Variants in CYTH4 observed in about 807,000 individuals in gnomAD.
CYTH4 encodes the protein cytohesin 4.
In CYTH4, 22 loss-of-function variants were observed where a neutral mutation model predicts 57.5. The ratio of observed to expected loss-of-function variants is 0.38; its 90% confidence interval spans 0.27 to 0.55. The LOEUF is 0.55. Among genes scored for constraint, CYTH4 ranks in the 20% least tolerant of loss-of-function variants. CYTH4 has a pLI of 0.74. For synonymous variants in CYTH4, 186 were observed against 206.5 expected, an observed-to-expected ratio of 0.90 and a Z score of 0.85; for missense variants, 420 against 535.6, an observed-to-expected ratio of 0.78 and a Z score of 2.13.
At chr22:37,283,650 G>A (rs1011114013) in intron 1 of CYTH4, among the ~76,000 whole-genome samples, 1 of 152,102 alleles carries the variant, frequency 6.6e-6, no homozygotes, top group Non-Finnish European at 1.5e-5. Flanking sequence ...GCAGAAGGGA[G>A]AAAAGAGGCC....
At chr22:37,305,656 T>C (rs1929367994) in intron 8 of CYTH4, among the ~76,000 whole-genome samples, 1 of 152,190 alleles carries the variant, frequency 6.6e-6, no homozygotes, top group African/African-American at 2.4e-5. Flanking sequence ...ACTTTCCCCA[T>C]ATGTAAAGCA....
intron 8 of CYTH4, among the ~76,000 whole-genome samples, chr22:37,307,332 C>A (rs771287161): frequency 2.0e-5 from 3 of 152,200 alleles, no homozygotes; most frequent in Admixed American, 1.3e-4. Context: ...CCCCGTCTGC[C>A]CCCCTGCACA....
Position 37,300,904 on chromosome 22 carries a change from C to T in CYTH4, c.435-3C>T. 1 of 1,613,806 alleles carries T rather than the reference C, an allele frequency of 6.2e-7. No homozygotes were observed. The highest frequency in any genetic ancestry group is 8.5e-7 in the Non-Finnish European group (1 of 1,179,822). On this transcript the variant is annotated splice_polypyrimidine_tract_variant and splice_region_variant and intron_variant, in intron 6 of 12. Coordinates refer to ENST00000248901, the MANE Select transcript of CYTH4 (RefSeq NM_013385.5). The stretch of plus-strand genomic sequence containing the variant: ...ACTGCCCGTGGCCCCGTTTCTCCCC[C>T]AGGCAGTTCCTGTGGAGCTTCCGGC...
At chr22:37,306,808 C>G (rs527628215) in intron 8 of CYTH4, among the ~76,000 whole-genome samples, 4 of 152,232 alleles carry the variant, frequency 2.6e-5, no homozygotes, top group Non-Finnish European at 5.9e-5. Flanking sequence ...CCGGCCTTCC[C>G]GTGCCCTCAC....
chr22:37,294,871 C>T (rs1157063367), intron 3 of CYTH4, 147 bp downstream of exon 3: 2 of 964,908 alleles, frequency 2.1e-6, no homozygotes, highest in Non-Finnish European at 3.2e-6. Context: ...GCAACGAGAC[C>T]GGAACAGGGT....
rs202195060 is a variant in CYTH4, at chr22:37,303,282, C to T, written c.576C>T (p.Ile192=). ...TDTCYVLSFS[I]IMLNTSLHNP... is the part of the protein sequence containing the mutation. Reference sequence around the variant, plus strand: ...CCTGCTACGTGTTGTCCTTCTCCATCATCATGCTCAACACCAGCCTCCACA... The same window carrying T: ...CCTGCTACGTGTTGTCCTTCTCCATTATCATGCTCAACACCAGCCTCCACA... Residue 192 remains isoleucine (I), a synonymous_variant, in exon 8 of 13, where the codon ATC becomes ATT. Transcript: ENST00000248901. 7.3e-5 allele frequency: 118 copies of T among 1,614,210 alleles called. No homozygotes were observed. The African/African-American group carries it at 1.0e-3, about 14-fold the overall frequency.
chr22:37,313,809 A>C lies in CYTH4; in HGVS notation c.*298A>C. On this transcript the variant is annotated 3_prime_UTR_variant, in exon 13 of 13. Coordinates refer to ENST00000248901, the MANE Select transcript of CYTH4 (RefSeq NM_013385.5). ...CAGCCAGAGGAAAACCAGCCCCAGA[A>C]TGCTGCAACTTCTCTTCTCTCTGGA... 1 of 404,518 alleles carries C rather than the reference A, an allele frequency of 2.5e-6. No individual in the cohort carries two copies. 25.1% of individuals were successfully genotyped at this position (404,518 alleles called of 1,614,324 possible).
At position 37,311,979 on chromosome 22, in the gene CYTH4, C is replaced by A; in HGVS notation, c.958-41C>A. On this transcript the variant is annotated intron_variant, in intron 11 of 12. Transcript: ENST00000248901. The surrounding 1 kb of genome is among the most constrained non-coding windows in gnomAD (Gnocchi z 4.4). ...TGAGCCTCCTGGAGGGCCCACCCAG[C>A]CTCCCTCTCTTCCCACCCTTGCCTG... 2 of 1,598,384 alleles carry A rather than the reference C, an allele frequency of 1.3e-6. No individual in the cohort carries two copies. Among genetic ancestry groups the A allele is most frequent in the East Asian group, 4.5e-5 (2 of 44,600 alleles).
rs373316484 is a variant in CYTH4 at position 37,312,143 on chromosome 22, G to A, written c.1081G>A (p.Glu361Lys). Residue 361 changes from glutamate to lysine, a missense_variant, in exon 12 of 13, where the codon GAG becomes AAG. Glu to Lys is a moderately conservative substitution (Grantham distance 56). Transcript: ENST00000248901. ...GTACCGCATCTCAGCCACCAGTGCC[G>A]AGGAACGTGACCAGTGGATCGAGTC... is the stretch of plus-strand genomic sequence containing the variant. ...ESYRISATSAEERDQWIESIR... is the reference protein window; with the variant it reads ...ESYRISATSAKERDQWIESIR... The A allele has an allele frequency of 3.6e-5, 58 of 1,614,256 alleles. No homozygotes were observed. The highest frequency in any genetic ancestry group is 1.7e-4 in the Middle Eastern group (1 of 6,060).
intron 6 of CYTH4, 113 bp downstream of exon 6, chr22:37,299,419 G>A: frequency 1.0e-6 from 1 of 953,726 alleles, no homozygotes; most frequent in Non-Finnish European, 1.7e-6. Context: ...GAGCAAAGAA[G>A]AGGAGGCAAG....
intron 6 of CYTH4, chr22:37,300,137 C>T (rs149638124): frequency 1.3e-4 from 94 of 717,574 alleles, no homozygotes; most frequent in Non-Finnish European, 2.3e-4. Flanking sequence ...AGTCTTGATG[C>T]TGCTTGAAAA....
chr22:37,291,273 G>A (rs989124329), intron 1 of CYTH4, among the ~76,000 whole-genome samples: 3 of 152,156 alleles, frequency 2.0e-5, no homozygotes, highest in African/African-American at 7.2e-5. Flanking sequence ...CCGCTGCCTG[G>A]GGACCTGGGC....
chr22:37,288,607 G>C (rs1215708174), intron 1 of CYTH4, among the ~76,000 whole-genome samples: 4 of 149,588 alleles, frequency 2.7e-5, no homozygotes, highest in African/African-American at 9.8e-5. Context: ...GGAAACTCCA[G>C]AGTGGGTCAC....
intron 1 of CYTH4, chr22:37,292,391 C>T: frequency 1.9e-6 from 1 of 518,802 alleles, no homozygotes; most frequent in Non-Finnish European, 3.4e-6. Flanking sequence ...GAAACAGGAT[C>T]CTTTTGGGGG....
chr22:37,290,285 G>A (rs1330856245), intron 1 of CYTH4, among the ~76,000 whole-genome samples: 1 of 152,174 alleles, frequency 6.6e-6, no homozygotes, highest in African/African-American at 2.4e-5. Flanking sequence ...ACAATCCTCA[G>A]AATGTTTGGA....
chr22:37,294,469 AT>A (rs1928876331), intron 2 of CYTH4, among the ~76,000 whole-genome samples, 190 bp from the exon 3 acceptor site: 2 of 151,976 alleles, frequency 1.3e-5, no homozygotes, highest in Non-Finnish European at 2.9e-5. Flanking sequence ...CGACTTAGAA[AT>A]TATGAGACAT....
At chr22:37,285,222 G>A (rs917979039) in intron 1 of CYTH4, among the ~76,000 whole-genome samples, 3 of 152,162 alleles carry the variant, frequency 2.0e-5, no homozygotes, top group African/African-American at 2.4e-5. Flanking sequence ...GGGAGGAGCC[G>A]GGGAGATGGG....
At position 37,297,600 on chromosome 22, in the gene CYTH4, C is replaced by A. The variant is rs771242827; in HGVS notation, c.271C>A (p.Pro91Thr). The A allele has an allele frequency of 6.2e-7, 1 of 1,613,804 alleles. No homozygotes were observed. Among genetic ancestry groups the A allele is most frequent in the Non-Finnish European group, 8.5e-7 (1 of 1,179,896 alleles). ...QYFIEHKLLT[P>T]DVQDIARFLY... ...TTTCATTGAGCACAAGCTGCTGACC[C>A]CTGACGTCCAGGACATTGCACGGTT... The change falls in exon 5 of 13, where the codon CCT becomes ACT. Residue 91 changes from proline to threonine, a missense_variant. Coordinates refer to ENST00000248901, the MANE Select transcript of CYTH4 (RefSeq NM_013385.5).
intron 1 of CYTH4, among the ~76,000 whole-genome samples, chr22:37,285,942 G>A (rs937714818): frequency 4.6e-5 from 7 of 152,158 alleles, no homozygotes; most frequent in Non-Finnish European, 7.3e-5. Context: ...GAAGGGGACA[G>A]GGGACTGAGG....
Sources: allele counts gnomAD v4.1 joint callset (sites outside exome capture counted in the v4.1 genomes callset), GRCh38; gene constraint gnomAD v4.1.1; non-coding constraint Gnocchi (gnomAD v3.1); transcripts MANE v1.5; gene names NCBI Gene and HGNC (gene_info 2026-07-23, HGNC 2026-07-21).